FSTL4: variants seen among roughly 807,000 people sequenced by gnomAD.
FSTL4 encodes the protein follistatin like 4.
FSTL4 carries 28 observed loss-of-function variants against 78.2 expected under a neutral mutation model. That is an observed-to-expected ratio of 0.36 (90% CI 0.27 to 0.49). The LOEUF (loss-of-function observed/expected upper bound fraction) is 0.49. Among genes scored for constraint, FSTL4 ranks in the 20% least tolerant of loss-of-function variants. FSTL4 has a pLI of 0.98. For synonymous variants in FSTL4, 422 were observed against 440.5 expected, an observed-to-expected ratio of 0.96 and a Z score of 0.53; for missense variants, 922 against 1,084.9, an observed-to-expected ratio of 0.85 and a Z score of 2.11.
At chr5:133,660,840 GTTTCCAAGGAGTA>G in the FSTL4 span, among the ~76,000 whole-genome samples, 5 of 152,206 alleles carry the variant, frequency 3.3e-5, no homozygotes, top group Non-Finnish European at 7.3e-5. Context: ...AATTATTATT[GTTTCCAAGGAGTA>G]AATCCAGTGA....
the FSTL4 span, among the ~76,000 whole-genome samples, chr5:133,767,352 G>A: frequency 6.6e-6 from 1 of 152,194 alleles, no homozygotes; most frequent in Non-Finnish European, 1.5e-5. Flanking sequence ...CTATGCCAGA[G>A]AGCCCTCAGG....
intron 6 of FSTL4, among the ~76,000 whole-genome samples, chr5:133,250,372 G>C (rs2126823586): frequency 6.6e-6 from 1 of 152,324 alleles, no homozygotes; most frequent in South Asian, 2.1e-4. Context: ...GGGACAGTCA[G>C]CGGCCCACTG....
the FSTL4 span, among the ~76,000 whole-genome samples, chr5:133,834,974 C>A: frequency 6.6e-6 from 1 of 151,866 alleles, no homozygotes; most frequent in African/African-American, 2.4e-5. Context: ...CTACACTGAA[C>A]ATATATGTGT....
intron 6 of FSTL4, among the ~76,000 whole-genome samples, chr5:133,302,155 A>G (rs1753557240): frequency 6.6e-6 from 1 of 151,940 alleles, no homozygotes. Flanking sequence ...AAAACCTGGG[A>G]CCTCCAGAAC....
chr5:133,239,048 G>C (rs1751750502), intron 7 of FSTL4, among the ~76,000 whole-genome samples: 1 of 152,238 alleles, frequency 6.6e-6, no homozygotes, highest in Non-Finnish European at 1.5e-5. Context: ...GTGAGTTTCG[G>C]GTGGGCATGG....
chr5:133,560,733 A>C (rs1359404252), intron 3 of FSTL4, among the ~76,000 whole-genome samples: 1 of 151,676 alleles, frequency 6.6e-6, no homozygotes, highest in African/African-American at 2.4e-5. Context: ...AGAGAGAATT[A>C]GAGCATAAAG....
At chr5:133,769,224 C>A in the FSTL4 span, among the ~76,000 whole-genome samples, 1 of 152,312 alleles carries the variant, frequency 6.6e-6, no homozygotes, top group African/African-American at 2.4e-5. Flanking sequence ...CCAAGCCCTG[C>A]TGAGCCAGAA....
the FSTL4 span, among the ~76,000 whole-genome samples, chr5:133,796,879 C>T: frequency 2.6e-5 from 4 of 151,934 alleles, no homozygotes; most frequent in South Asian, 2.1e-4. Context: ...GAAGTGTTTC[C>T]CCCTCCTGTC....
At chr5:133,555,890 A>C (rs1439007994) in intron 3 of FSTL4, among the ~76,000 whole-genome samples, 1 of 152,242 alleles carries the variant, frequency 6.6e-6, no homozygotes, top group Non-Finnish European at 1.5e-5. Context: ...GGGAGAGCAA[A>C]TAACTGCTAA....
intron 6 of FSTL4, among the ~76,000 whole-genome samples, chr5:133,301,249 G>A (rs1012520475): frequency 1.3e-5 from 2 of 152,186 alleles, no homozygotes; most frequent in African/African-American, 2.4e-5. Context: ...GCCAAAGTGC[G>A]CAGGTCTAGA....
At chr5:133,576,443 C>T (rs1043212315) in intron 2 of FSTL4, among the ~76,000 whole-genome samples, 1 of 152,194 alleles carries the variant, frequency 6.6e-6, no homozygotes, top group Non-Finnish European at 1.5e-5. Flanking sequence ...AGCAACCACA[C>T]TGAGAAGAGA....
chr5:133,794,418 T>C, the FSTL4 span, among the ~76,000 whole-genome samples: 1 of 152,200 alleles, frequency 6.6e-6, no homozygotes, highest in Non-Finnish European at 1.5e-5. Flanking sequence ...TGCTGGCCCT[T>C]AGAGGTGGCT....
rs549870922 is a variant in FSTL4 at position 133,534,792 on chromosome 5, A to G, written c.160+32394T>C. Among the ~76,000 whole-genome samples the G allele has an allele frequency of 3.9e-5, 6 of 152,242 alleles. No homozygotes were observed. The South Asian group carries it at 6.2e-4, about 16-fold the overall frequency. On this transcript the variant is annotated intron_variant, in intron 3 of 15. Coordinates refer to ENST00000265342, the MANE Select transcript of FSTL4 (RefSeq NM_015082.2). The stretch of plus-strand genomic sequence containing the variant: ...CAGCATCACATCCCCAGCTGTCCCC[A>G]GCATCTCTCCCAAAATTGTCTTAAT...
the FSTL4 span, among the ~76,000 whole-genome samples, chr5:133,655,109 C>T: frequency 2.0e-5 from 3 of 152,210 alleles, no homozygotes; most frequent in Non-Finnish European, 4.4e-5. Flanking sequence ...CTTTCCCCTA[C>T]ACCTATTTCC....
chr5:133,269,125 T>C (rs1752706392), intron 6 of FSTL4, among the ~76,000 whole-genome samples: 1 of 138,094 alleles, frequency 7.2e-6, no homozygotes, highest in Non-Finnish European at 1.5e-5. Flanking sequence ...GAGCTTGCAG[T>C]GAGCTGAGAT....
chr5:133,478,856 G>A (rs913917626), intron 3 of FSTL4, among the ~76,000 whole-genome samples: 3 of 152,042 alleles, frequency 2.0e-5, no homozygotes, highest in African/African-American at 4.8e-5. Context: ...AGAGGGAAGC[G>A]AGGAGTCCTT....
chr5:133,812,358 G>A, the FSTL4 span, among the ~76,000 whole-genome samples: 1 of 152,068 alleles, frequency 6.6e-6, no homozygotes, highest in Non-Finnish European at 1.5e-5. Context: ...ACTAAAATCG[G>A]AACCCCTTAC....
At chr5:133,738,759 C>G in the FSTL4 span, among the ~76,000 whole-genome samples, 2 of 152,150 alleles carry the variant, frequency 1.3e-5, no homozygotes, top group African/African-American at 4.8e-5. Context: ...ACAACATGGA[C>G]AGCCAGAAAG....
At chr5:133,596,639 C>T (rs559608374) in intron 2 of FSTL4, among the ~76,000 whole-genome samples, 4 of 152,138 alleles carry the variant, frequency 2.6e-5, no homozygotes, top group Middle Eastern at 3.2e-3. Context: ...CTAGACACAA[C>T]ATCAAGCAGG....
Sources: allele counts gnomAD v4.1 joint callset (sites outside exome capture counted in the v4.1 genomes callset), GRCh38; gene constraint gnomAD v4.1.1; transcripts MANE v1.5; gene names NCBI Gene and HGNC (gene_info 2026-07-23, HGNC 2026-07-21).